The following RBM24 variants were observed in gnomAD, a reference collection of about 807,000 sequenced individuals.
RBM24 encodes the protein RNA binding motif protein 24.
RBM24 carries 5 observed loss-of-function variants against 23.6 expected under a neutral mutation model. The observed-to-expected ratio is 0.21, with a 90% CI of 0.11 to 0.45. RBM24 has a LOEUF of 0.45. Ranked by LOEUF, RBM24 falls within the 20% of genes least tolerant of loss-of-function variation. The pLI, the probability that RBM24 is intolerant of heterozygous loss-of-function variation, is 0.99. For missense variants in RBM24, 252 were observed against 314.6 expected (o/e 0.80, Z 1.51); for synonymous variants, 151 against 129.5 (o/e 1.17, Z -1.13).
intron 3 of RBM24, chr6:17,290,101 A>G: frequency 7.8e-7 from 1 of 1,286,940 alleles, no homozygotes; most frequent in South Asian, 1.2e-5. Flanking sequence ...CATTGGGGCC[A>G]AAGTCCACTA....
chr6:17,283,146 G>A (rs531945334), intron 2 of RBM24: 5 of 512,078 alleles, frequency 9.8e-6, no homozygotes, highest in Middle Eastern at 5.2e-4. Flanking sequence ...GGATCTTGGG[G>A]GTCGTGCAGG....
At chr6:17,283,709 G>A (rs9383267) in intron 2 of RBM24, among the ~76,000 whole-genome samples, 51,506 of 152,008 alleles carry the variant, frequency 0.34, 8,995 homozygotes, top group African/African-American at 0.4. Context: ...GAGCCACCGC[G>A]CCTGGCCCAA....
Position 17,281,949 on chromosome 6 carries a change from C to A in RBM24, c.168+200C>A. On this transcript the variant is annotated intron_variant, in intron 1 of 3. Transcript: ENST00000379052. This position sits in a 1 kb window ranked among gnomAD's most constrained non-coding sequence, Gnocchi z 7.1. ...AGCCTCGCGGGGTTCGGAGAAGACCCAGCGCTGTGCGAGGTCGGGGGCCGG... is the reference window on the plus strand; with the variant it reads ...AGCCTCGCGGGGTTCGGAGAAGACCAAGCGCTGTGCGAGGTCGGGGGCCGG... 1 of 1,356,264 alleles carries A rather than the reference C, an allele frequency of 7.4e-7. No individual in the cohort carries two copies. The highest frequency in any genetic ancestry group is 9.7e-7 in the Non-Finnish European group (1 of 1,029,584). 84.0% of individuals were successfully genotyped at this position (1,356,264 alleles called of 1,614,324 possible).
chr6:17,286,646 A>G lies in RBM24; in HGVS notation c.347+1935A>G, dbSNP rs141726811. Among the ~76,000 whole-genome samples the G allele has an allele frequency of 4.9e-4, 75 of 152,342 alleles. 1 individual carries two copies. In the East Asian group the frequency reaches 0.013, roughly 27 times the overall value. On this transcript the variant is annotated intron_variant, in intron 3 of 3. Transcript: ENST00000379052. ...GGAATTCAGAGTAGCAAGAAAATAG[A>G]TGAAGTGGAGGAGTTGAATAAGGCT...
intron 2 of RBM24, among the ~76,000 whole-genome samples, chr6:17,283,712 TG>T (rs749628291): frequency 3.3e-5 from 5 of 152,190 alleles, no homozygotes; most frequent in African/African-American, 4.8e-5. Context: ...CCACCGCGCC[TG>T]GCCCAAAATG....
At chr6:17,288,572 T>G in intron 3 of RBM24, 2 of 985,434 alleles carry the variant, frequency 2.0e-6, no homozygotes, top group Non-Finnish European at 2.4e-6. Flanking sequence ...CATATGAGAC[T>G]AAACGATAAA....
chr6:17,282,017 C>T (rs992909751), intron 1 of RBM24: 2 of 1,321,504 alleles, frequency 1.5e-6, no homozygotes, highest in Non-Finnish European at 1.9e-6. Context: ...GTAATGACGG[C>T]GGGATTTGGG....
intron 2 of RBM24, among the ~76,000 whole-genome samples, chr6:17,283,974 TATA>T (rs984630710): frequency 6.6e-6 from 1 of 152,134 alleles, no homozygotes; most frequent in African/African-American, 2.4e-5. Context: ...TTTAAGCAAA[TATA>T]ATATTTTCTT....
At position 17,292,754 on chromosome 6, in the gene RBM24, C is replaced by T. The variant is rs1283707817; in HGVS notation, c.*635C>T. 6.6e-6 allele frequency: 1 copy of T among 152,592 alleles called. No individual in the cohort carries two copies. Among genetic ancestry groups the T allele is most frequent in the Non-Finnish European group, 1.5e-5 (1 of 68,054 alleles). 9.5% of individuals were successfully genotyped at this position (152,592 alleles called of 1,614,324 possible). ...TCATCTGTCCTGTGGATGAGTGGAA[C>T]TGTGGAACAAGTGATGTGGAATTAA... On this transcript the variant is annotated 3_prime_UTR_variant, in exon 4 of 4. Coordinates refer to ENST00000379052, the MANE Select transcript of RBM24 (RefSeq NM_001143942.2).
intron 3 of RBM24, among the ~76,000 whole-genome samples, chr6:17,287,630 G>A (rs1276942115): frequency 1.3e-5 from 2 of 152,008 alleles, no homozygotes; most frequent in African/African-American, 4.8e-5. Flanking sequence ...CTAACACAGT[G>A]AAACCCCATC....
chr6:17,281,618 ATCT>A lies in RBM24; in HGVS notation c.40_42del (p.Phe14del). On this transcript the variant is annotated inframe_deletion, in exon 1 of 4. Transcript: ENST00000379052. This position sits in a 1 kb window ranked among gnomAD's most constrained non-coding sequence, Gnocchi z 7.1. ...CCAGAAGGACACGACGTACACCAAGATCTTCGTCGGGGGGCTGCCCTACCACAC... is the reference window on the plus strand; with the variant it reads ...CCAGAAGGACACGACGTACACCAAGATCGTCGGGGGGCTGCCCTACCACAC... 1 of 1,548,990 alleles carries A rather than the reference ATCT, an allele frequency of 6.5e-7. No individual in the cohort carries two copies. Among genetic ancestry groups the A allele is most frequent in the Non-Finnish European group, 8.7e-7 (1 of 1,146,334 alleles).
chr6:17,284,915 G>A (rs1454405248), intron 3 of RBM24: 5 of 418,940 alleles, frequency 1.2e-5, no homozygotes, highest in African/African-American at 2.0e-5. Flanking sequence ...GCCTCCAAAC[G>A]AGACAAATTT....
At chr6:17,285,215 T>C (rs1179771302) in intron 3 of RBM24, 1 of 152,272 alleles carries the variant, frequency 6.6e-6, no homozygotes, top group Non-Finnish European at 1.5e-5. Flanking sequence ...TTTTTCACAA[T>C]AGTCAATAGC....
intron 3 of RBM24, chr6:17,289,551 A>G: frequency 1.0e-6 from 1 of 985,468 alleles, no homozygotes; most frequent in Non-Finnish European, 1.2e-6. Flanking sequence ...CATTCTTCAC[A>G]ACACTTTCTC....
intron 3 of RBM24, among the ~76,000 whole-genome samples, chr6:17,286,062 C>T (rs1760185442): frequency 6.6e-6 from 1 of 152,072 alleles, no homozygotes; most frequent in Non-Finnish European, 1.5e-5. Flanking sequence ...ATATGTGTCT[C>T]TAAGAATAGA....
rs1760379343 is a variant in RBM24, at chr6:17,292,024, C to CCTGGGACAGCTGCCGCCGCCG, written c.620_640dup (p.Gly207_Ala213dup). On this transcript the variant is annotated inframe_insertion, in exon 4 of 4. Transcript: ENST00000379052. ...CCAGCAGCCAATCACCGCAGCGGCACCTGGGACAGCTGCCGCCGCCGCTGC... is the reference window on the plus strand; with the variant it reads ...CCAGCAGCCAATCACCGCAGCGGCACCTGGGACAGCTGCCGCCGCCGCTGGGACAGCTGCCGCCGCCGCTGC... 1 of 1,601,318 alleles carries CCTGGGACAGCTGCCGCCGCCG rather than the reference C, an allele frequency of 6.2e-7. No homozygotes were observed. Among genetic ancestry groups the CCTGGGACAGCTGCCGCCGCCG allele is most frequent in the Non-Finnish European group, 8.5e-7 (1 of 1,177,546 alleles).
At chr6:17,282,174 T>G in intron 1 of RBM24, 1 of 1,275,258 alleles carries the variant, frequency 7.8e-7, no homozygotes, top group Non-Finnish European at 1.0e-6. Context: ...CCACGAGGTC[T>G]GGGGCTGTTG....
Position 17,284,647 on chromosome 6 carries a change from T to C in RBM24, c.293-10T>C, listed in dbSNP as rs1760139825. On this transcript the variant is annotated splice_polypyrimidine_tract_variant and intron_variant, in intron 2 of 3. Transcript: ENST00000379052. ...GCACAAATAAAGAATGTGGTATATT[T>C]TGTTGTTAGGTTTTGCCTTTGGTGT... The C allele has an allele frequency of 1.2e-6, 2 of 1,608,800 alleles. No individual in the cohort carries two copies. The highest frequency in any genetic ancestry group is 2.7e-5 in the African/African-American group (2 of 74,852).
At chr6:17,289,990 GT>G in intron 3 of RBM24, 1 of 1,289,406 alleles carries the variant, frequency 7.8e-7, no homozygotes, top group African/African-American at 1.5e-5. Flanking sequence ...CTGACAAGCA[GT>G]TAAGAACATC....
Sources: allele counts gnomAD v4.1 joint callset (sites outside exome capture counted in the v4.1 genomes callset), GRCh38; gene constraint gnomAD v4.1.1; non-coding constraint Gnocchi (gnomAD v3.1); transcripts MANE v1.5; gene names NCBI Gene and HGNC (gene_info 2026-07-23, HGNC 2026-07-21).